SNX29: variants seen among roughly 807,000 people sequenced by gnomAD.
The protein encoded by SNX29 is sorting nexin 29.
In SNX29, 78 loss-of-function variants were observed where a neutral mutation model predicts 102.1. That is an observed-to-expected ratio of 0.76 (90% CI 0.64 to 0.92). SNX29 has a LOEUF of 0.92. Ranked by LOEUF, SNX29 falls within the 40% of genes least tolerant of loss-of-function variation. The pLI is 0.00. For synonymous variants in SNX29, 580 were observed against 414.5 expected (o/e 1.40, Z -4.85); for missense variants, 1,280 against 1,061.7 (o/e 1.21, Z -2.86).
intron 11 of SNX29, among the ~76,000 whole-genome samples, chr16:12,091,433 T>C (rs918332839): frequency 6.6e-6 from 1 of 151,994 alleles, no homozygotes; most frequent in Non-Finnish European, 1.5e-5. Flanking sequence ...GGTGGGCGTT[T>C]GGGAGTTGAT....
chr16:12,180,163 A>T (rs919930064), intron 13 of SNX29, among the ~76,000 whole-genome samples: 1 of 150,664 alleles, frequency 6.6e-6, no homozygotes. Flanking sequence ...CCCTTTCTTC[A>T]TATCCTTTTC....
chr16:12,034,289 G>C (rs140499405), intron 4 of SNX29, among the ~76,000 whole-genome samples: 2,142 of 152,312 alleles, frequency 0.014, 40 homozygotes, highest in African/African-American at 0.049. Context: ...GGGAAGTCCA[G>C]TTCCTCACTC....
intron 13 of SNX29, among the ~76,000 whole-genome samples, chr16:12,193,984 T>A (rs2076708388): frequency 6.6e-6 from 1 of 152,218 alleles, no homozygotes; most frequent in Admixed American, 6.5e-5. Context: ...TTCTTTGTCT[T>A]TCCATATGAA....
intron 20 of SNX29, among the ~76,000 whole-genome samples, chr16:12,552,503 A>T (rs1597959751): frequency 6.6e-6 from 1 of 152,162 alleles, no homozygotes; most frequent in Non-Finnish European, 1.5e-5. Flanking sequence ...CTTGCTCAAA[A>T]ATAGCCTGCC....
intron 14 of SNX29, among the ~76,000 whole-genome samples, chr16:12,239,219 A>C (rs1475924745): frequency 2.0e-5 from 3 of 152,164 alleles, no homozygotes; most frequent in African/African-American, 7.2e-5. Context: ...GTAGTGCTGG[A>C]GGTAGCTGAT....
intron 13 of SNX29, among the ~76,000 whole-genome samples, chr16:12,162,106 G>A (rs943441931): frequency 6.6e-6 from 1 of 152,126 alleles, no homozygotes; most frequent in Admixed American, 6.5e-5. Context: ...TTCCTGCCGG[G>A]CTTTGACTGA....
chr16:12,389,421 G>GTTTTA (rs2083447167), intron 16 of SNX29, among the ~76,000 whole-genome samples: 1 of 152,110 alleles, frequency 6.6e-6, no homozygotes, highest in African/African-American at 2.4e-5. Flanking sequence ...AGATCTGAGG[G>GTTTTA]TTTTATAAGG....
chr16:12,327,495 C>T (rs1035950542), intron 15 of SNX29, among the ~76,000 whole-genome samples: 1 of 152,148 alleles, frequency 6.6e-6, no homozygotes, highest in Non-Finnish European at 1.5e-5. Flanking sequence ...TGTGGTCTTT[C>T]TTCTCTGCAT....
At chr16:12,232,949 T>C (rs2142214149) in intron 14 of SNX29, among the ~76,000 whole-genome samples, 1 of 152,280 alleles carries the variant, frequency 6.6e-6, no homozygotes, top group African/African-American at 2.4e-5. Flanking sequence ...CCGGAACTTG[T>C]CCTCCCAAGC....
At chr16:12,476,422 A>ATATATATATACG (rs2087642165) in intron 18 of SNX29, among the ~76,000 whole-genome samples, 8 of 81,848 alleles carry the variant, frequency 9.8e-5, no homozygotes, top group Non-Finnish European at 1.7e-4. Flanking sequence ...ACATATATAT[A>ATATATATATACG]TATATATATA....
intron 13 of SNX29, among the ~76,000 whole-genome samples, chr16:12,159,148 G>C (rs1343449350): frequency 6.6e-6 from 1 of 152,216 alleles, no homozygotes; most frequent in East Asian, 1.9e-4. Context: ...GTCTAACAAA[G>C]GGTTTCTTTG....
At position 12,048,497 on chromosome 16, in the gene SNX29, G is replaced by C. The variant is rs201763407; in HGVS notation, c.625G>C (p.Glu209Gln). The change falls in exon 7 of 21, where the codon GAG becomes CAG. Residue 209 changes from glutamate (E) to glutamine (Q), a missense_variant. Transcript: ENST00000566228. ...STQNVTSLLK[E>Q]STQGVSSLFR... is the part of the protein sequence containing the mutation. Reference sequence around the variant, plus strand: ...GCAGAACGTGACCTCCTTGCTGAAGGAGTCCACGCAAGGAGTGAGCAGCCT... The same window carrying C: ...GCAGAACGTGACCTCCTTGCTGAAGCAGTCCACGCAAGGAGTGAGCAGCCT... 20 of 1,613,776 alleles carry C rather than the reference G, an allele frequency of 1.2e-5. No individual in the cohort carries two copies. The highest frequency in any genetic ancestry group is 1.4e-5 in the Non-Finnish European group (17 of 1,179,878).
chr16:11,990,276 C>T (rs1292588646), intron 1 of SNX29, among the ~76,000 whole-genome samples: 1 of 152,126 alleles, frequency 6.6e-6, no homozygotes, highest in East Asian at 1.9e-4. Flanking sequence ...GGTTTTCAGC[C>T]TCTCTTGAAA....
intron 14 of SNX29, among the ~76,000 whole-genome samples, chr16:12,271,878 C>G (rs1265122269): frequency 6.6e-6 from 1 of 152,172 alleles, no homozygotes; most frequent in Non-Finnish European, 1.5e-5. Context: ...CTGCCTTAGC[C>G]TCCCGAAGTG....
At chr16:12,077,770 G>A (rs138883535) in intron 10 of SNX29, among the ~76,000 whole-genome samples, 1 of 152,142 alleles carries the variant, frequency 6.6e-6, no homozygotes, top group African/African-American at 2.4e-5. Flanking sequence ...ACAGGCATGT[G>A]CTACCACACC....
chr16:12,219,288 A>G (rs552275038), intron 14 of SNX29, among the ~76,000 whole-genome samples: 10 of 150,582 alleles, frequency 6.6e-5, no homozygotes, highest in Non-Finnish European at 1.5e-4. Context: ...AACATCTTCT[A>G]TAAAAGTGGT....
intron 16 of SNX29, among the ~76,000 whole-genome samples, chr16:12,359,053 G>A (rs919986140): frequency 2.0e-5 from 3 of 152,214 alleles, no homozygotes; most frequent in African/African-American, 7.2e-5. Flanking sequence ...GCATTTTATT[G>A]CTAGTGAGTC....
chr16:12,274,418 T>C (rs534680123), intron 14 of SNX29, among the ~76,000 whole-genome samples: 1 of 152,234 alleles, frequency 6.6e-6, no homozygotes, highest in South Asian at 2.1e-4. Flanking sequence ...AACTCTTCCA[T>C]CCTGCCCCTC....
chr16:12,206,995 T>C (rs570136317), intron 14 of SNX29, among the ~76,000 whole-genome samples: 55 of 152,210 alleles, frequency 3.6e-4, no homozygotes, highest in African/African-American at 1.2e-3. Context: ...CACTGTAAAT[T>C]AATCAAGGTG....
Sources: gnomAD v4.1 joint callset for allele counts (sites outside exome capture counted in the v4.1 genomes callset) on GRCh38, gnomAD v4.1.1 for gene constraint, MANE v1.5 for transcripts, NCBI Gene and HGNC (gene_info 2026-07-23, HGNC 2026-07-21) for gene names.